RNLS: variants seen among roughly 807,000 people sequenced by gnomAD.
RNLS encodes the protein renalase, FAD dependent amine oxidase, also known as renalase.
In RNLS, 39 loss-of-function variants were observed where a neutral mutation model predicts 39.8. The observed-to-expected ratio is 0.98, with a 90% CI of 0.76 to 1.28. The LOEUF is 1.28. RNLS is among the 50% of genes most tolerant of loss of function. The pLI is 0.00. For missense variants in RNLS, 410 were observed against 413.3 expected (o/e 0.99, Z 0.07); for synonymous variants, 147 against 150.7 (o/e 0.98, Z 0.18).
the RNLS span, among the ~76,000 whole-genome samples, chr10:88,199,107 C>T: frequency 1.3e-5 from 2 of 152,080 alleles, no homozygotes; most frequent in Non-Finnish European, 2.9e-5. Context: ...TAGGAAATCC[C>T]ACTGTTTCTG....
chr10:88,259,005 G>T, the RNLS span: 1 of 152,218 alleles, frequency 6.6e-6, no homozygotes, highest in African/African-American at 2.4e-5. Context: ...CATTCACTTT[G>T]TGTGGAGACT....
the RNLS span, among the ~76,000 whole-genome samples, chr10:88,231,686 C>T: frequency 6.6e-6 from 1 of 152,152 alleles, no homozygotes; most frequent in Non-Finnish European, 1.5e-5. Flanking sequence ...GCTGAAACCC[C>T]TGACCACTGG....
At chr10:88,174,448 G>T in the RNLS span, among the ~76,000 whole-genome samples, 1 of 152,074 alleles carries the variant, frequency 6.6e-6, no homozygotes, top group African/African-American at 2.4e-5. Flanking sequence ...ATACCAATTT[G>T]TTGAGAGTTT....
At chr10:88,235,356 T>C in the RNLS span, among the ~76,000 whole-genome samples, 1 of 151,582 alleles carries the variant, frequency 6.6e-6, no homozygotes, top group African/African-American at 2.4e-5. Flanking sequence ...CATATGCTAG[T>C]ATCCAAAGCA....
chr10:88,228,965 C>T, the RNLS span, among the ~76,000 whole-genome samples: 4 of 152,166 alleles, frequency 2.6e-5, no homozygotes, highest in African/African-American at 9.7e-5. Flanking sequence ...TATGTCCTCA[C>T]CCTTGGGCTT....
intron 4 of RNLS, among the ~76,000 whole-genome samples, chr10:88,371,298 T>C (rs1850539130): frequency 1.3e-5 from 2 of 152,144 alleles, no homozygotes; most frequent in Admixed American, 1.3e-4. Context: ...GGGGTGTCTA[T>C]GTGTATATCA....
In RNLS at chr10:88,455,768, A is replaced by G. The variant is rs190357955; in HGVS notation, c.527-93043T>C. ...TCATGAGAAAAAACTGGGAACAGAT[A>G]GTCAACACAGTATTTACATTTCTGT... On this transcript the variant is annotated intron_variant, in intron 4 of 6. Coordinates refer to ENST00000331772, the MANE Select transcript of RNLS (RefSeq NM_001031709.3). 1.4e-3 allele frequency among the ~76,000 whole-genome samples: 206 copies of G among 152,306 alleles called. 1 individual carries two copies. Among genetic ancestry groups the G allele is most frequent in the Non-Finnish European group, 2.3e-3 (156 of 68,020 alleles).
the RNLS span, among the ~76,000 whole-genome samples, chr10:88,204,249 G>C: frequency 6.6e-6 from 1 of 152,058 alleles, no homozygotes; most frequent in Non-Finnish European, 1.5e-5. Flanking sequence ...TTTCTGAAAG[G>C]CTTAGAACCC....
chr10:88,245,777 GC>G, the RNLS span, among the ~76,000 whole-genome samples: 1 of 152,042 alleles, frequency 6.6e-6, no homozygotes, highest in Non-Finnish European at 1.5e-5. Context: ...TGCCAGAAAA[GC>G]ATTAAAATCT....
intron 4 of RNLS, among the ~76,000 whole-genome samples, chr10:88,393,897 C>CA (rs1474098129): frequency 1.3e-5 from 2 of 152,158 alleles, no homozygotes; most frequent in African/African-American, 4.8e-5. Context: ...CGTATATCTA[C>CA]AACTATCTGA....
chr10:88,378,328 T>C (rs970229978), intron 4 of RNLS, among the ~76,000 whole-genome samples: 4 of 152,208 alleles, frequency 2.6e-5, no homozygotes, highest in East Asian at 1.9e-4. Context: ...CCCTGATCTT[T>C]TGCCATCCTG....
chr10:88,176,705 T>A, the RNLS span, among the ~76,000 whole-genome samples: 2 of 152,234 alleles, frequency 1.3e-5, no homozygotes, highest in African/African-American at 4.8e-5. Context: ...TTTGTACTTT[T>A]GTGTGTTTTT....
chr10:88,379,703 G>A (rs1329322987), intron 4 of RNLS, among the ~76,000 whole-genome samples: 1 of 152,198 alleles, frequency 6.6e-6, no homozygotes, highest in Non-Finnish European at 1.5e-5. Flanking sequence ...AAGAGGGTCT[G>A]TGGTTAAGGC....
chr10:88,271,065 A>C (rs1842637242), downstream of RNLS, among the ~76,000 whole-genome samples: 1 of 152,056 alleles, frequency 6.6e-6, no homozygotes, highest in South Asian at 2.1e-4. Context: ...CATGGTCTTG[A>C]TCATTTCCTC....
chr10:88,576,944 A>G (rs954235668), intron 3 of RNLS, among the ~76,000 whole-genome samples: 2 of 152,124 alleles, frequency 1.3e-5, no homozygotes, highest in Non-Finnish European at 2.9e-5. Flanking sequence ...AGCCCTCCCT[A>G]TTGGTAGGAC....
intron 4 of RNLS, among the ~76,000 whole-genome samples, chr10:88,436,048 A>C (rs1841392675): frequency 6.6e-6 from 1 of 152,100 alleles, no homozygotes; most frequent in African/African-American, 2.4e-5. Flanking sequence ...GTGGGATGAG[A>C]GGATCCTGGG....
intron 4 of RNLS, among the ~76,000 whole-genome samples, chr10:88,454,990 G>A (rs1195187473): frequency 1.3e-5 from 2 of 152,064 alleles, no homozygotes; most frequent in African/African-American, 2.4e-5. Flanking sequence ...GATATACTAG[G>A]AACTGAGAAA....
At chr10:88,302,923 G>A (rs1446741370) in intron 6 of RNLS, among the ~76,000 whole-genome samples, 3 of 152,168 alleles carry the variant, frequency 2.0e-5, no homozygotes, top group Admixed American at 2.0e-4. Context: ...CTCCCACTGA[G>A]GGACCAAGAC....
the RNLS span, among the ~76,000 whole-genome samples, chr10:88,261,779 C>A: frequency 6.6e-6 from 1 of 152,224 alleles, no homozygotes; most frequent in Non-Finnish European, 1.5e-5. Context: ...AACACAGTGA[C>A]CATGACTTTC....
Sources: allele counts gnomAD v4.1 joint callset (sites outside exome capture counted in the v4.1 genomes callset), GRCh38; gene constraint gnomAD v4.1.1; transcripts MANE v1.5; gene names NCBI Gene and HGNC (gene_info 2026-07-23, HGNC 2026-07-21).